The following LHFPL3 variants were observed in gnomAD, a reference collection of about 807,000 sequenced individuals.
LHFPL3 encodes LHFPL tetraspan subfamily member 3 protein.
LHFPL3 carries 5 observed loss-of-function variants against 19.3 expected under a neutral mutation model. The ratio of observed to expected loss-of-function variants is 0.26; its 90% CI spans 0.14 to 0.54. The LOEUF is 0.54. Among genes scored for constraint, LHFPL3 ranks in the 20% least tolerant of loss-of-function variants. The pLI is 0.94. For synonymous variants in LHFPL3, 133 were observed against 126.2 expected, an observed-to-expected ratio of 1.05 and a Z score of -0.36; for missense variants, 249 against 307.4, an observed-to-expected ratio of 0.81 and a Z score of 1.42.
chr7:104,523,497 C>A (rs1794120771), intron 1 of LHFPL3, among the ~76,000 whole-genome samples: 1 of 152,194 alleles, frequency 6.6e-6, no homozygotes, highest in South Asian at 2.1e-4. Flanking sequence ...CTGCATGACT[C>A]ATTAACCAAA....
At chr7:104,425,010 T>C (rs940073465) in intron 1 of LHFPL3, among the ~76,000 whole-genome samples, 1 of 108,382 alleles carries the variant, frequency 9.2e-6, no homozygotes, top group Non-Finnish European at 1.8e-5. Context: ...AAAAAAGAAG[T>C]ATCTGACTCA....
chr7:104,581,450 A>T lies in LHFPL3; in HGVS notation c.446-155225A>T, dbSNP rs956607065. ...TGAAAATATTTTCTCCTATTATATG[A>T]CTGGCCTCTTTATTATCTTAATAGT... On this transcript the variant is annotated intron_variant, in intron 1 of 2. Coordinates refer to ENST00000424859, the MANE Select transcript of LHFPL3 (RefSeq NM_199000.3). 3.3e-5 allele frequency among the ~76,000 whole-genome samples: 5 copies of T among 151,936 alleles called. No homozygotes were observed. In the South Asian group the frequency reaches 1.0e-3, roughly 32 times the overall value.
At chr7:104,573,060 G>T (rs554202587) in intron 1 of LHFPL3, among the ~76,000 whole-genome samples, 1 of 152,172 alleles carries the variant, frequency 6.6e-6, no homozygotes, top group East Asian at 1.9e-4. Flanking sequence ...TTCATTAAAG[G>T]TACTATAGGA....
chr7:104,868,073 GTA>G (rs1791763843), intron 2 of LHFPL3, among the ~76,000 whole-genome samples: 1 of 151,606 alleles, frequency 6.6e-6, no homozygotes, highest in Non-Finnish European at 1.5e-5. Context: ...TTGATGGGAT[GTA>G]TCTCAAAATA....
intron 1 of LHFPL3, among the ~76,000 whole-genome samples, chr7:104,729,902 C>T (rs562604413): frequency 6.6e-6 from 1 of 152,004 alleles, no homozygotes; most frequent in African/African-American, 2.4e-5. Context: ...CCACTCCCCC[C>T]ACCCCACAAC....
At chr7:104,425,084 G>C (rs1002172162) in intron 1 of LHFPL3, among the ~76,000 whole-genome samples, 3 of 151,736 alleles carry the variant, frequency 2.0e-5, no homozygotes, top group African/African-American at 7.3e-5. Flanking sequence ...TGGGAAAGGG[G>C]ACAAAGACAT....
At position 104,399,829 on chromosome 7, in the gene LHFPL3, A is replaced by G. The variant is rs901973735; in HGVS notation, c.445+70605A>G. Among the ~76,000 whole-genome samples, 6 of 151,396 alleles carry G rather than the reference A, an allele frequency of 4.0e-5. No homozygotes were observed. Among genetic ancestry groups the G allele is most frequent in the African/African-American group, 1.5e-4 (6 of 41,224 alleles). On this transcript the variant is annotated intron_variant, in intron 1 of 2. Coordinates refer to ENST00000424859, the MANE Select transcript of LHFPL3 (RefSeq NM_199000.3). This position sits in a 1 kb window ranked among gnomAD's most constrained non-coding sequence, Gnocchi z 4.4. ...ACCATGGAAGTGGCCCCAAAGAGTC[A>G]TGTTGAGAGGGTTGGCTAAAGACTC...
intron 1 of LHFPL3, among the ~76,000 whole-genome samples, chr7:104,590,643 G>A (rs907051323): frequency 1.4e-4 from 22 of 152,324 alleles, no homozygotes; most frequent in Non-Finnish European, 3.2e-4. Flanking sequence ...TTGGTGCAGA[G>A]CTGAGTTCAG....
intron 1 of LHFPL3, among the ~76,000 whole-genome samples, chr7:104,694,916 A>T (rs139183190): frequency 6.6e-6 from 1 of 152,250 alleles, no homozygotes; most frequent in Non-Finnish European, 1.5e-5. Flanking sequence ...TCAAGGTTGC[A>T]GTGAGCTAAC....
chr7:104,636,003 T>G (rs1791722659), intron 1 of LHFPL3, among the ~76,000 whole-genome samples: 1 of 152,150 alleles, frequency 6.6e-6, no homozygotes. Flanking sequence ...AGAAAACCTC[T>G]GAGTAAATAA....
chr7:104,491,403 G>A (rs760955662), intron 1 of LHFPL3, among the ~76,000 whole-genome samples: 6 of 151,790 alleles, frequency 4.0e-5, no homozygotes, highest in Non-Finnish European at 5.9e-5. Context: ...TCCTTTCTAG[G>A]TGTCTTTGTT....
Position 104,328,841 on chromosome 7 carries a change from C to T in LHFPL3, c.62C>T (p.Ala21Val), listed in dbSNP as rs776376119. Residue 21 changes from alanine to valine, a missense_variant, in exon 1 of 3, where the codon GCT (alanine) becomes GTT (valine). Transcript: ENST00000424859. The surrounding 1 kb of genome is among the most constrained non-coding windows in gnomAD (Gnocchi z 4.6). ...GCCGCGATGCTCCCGGCTCAGGAGG[C>T]TGCCAAGCTGTACCACACCAACTAT... ...AAAAMLPAQE[A>V]AKLYHTNYVR... 15 of 1,613,866 alleles carry T rather than the reference C, an allele frequency of 9.3e-6. No homozygotes were observed. The African/African-American group carries it at 1.1e-4, about 11-fold the overall frequency.
At chr7:104,590,263 T>A (rs1475133442) in intron 1 of LHFPL3, among the ~76,000 whole-genome samples, 3 of 152,188 alleles carry the variant, frequency 2.0e-5, no homozygotes, top group Non-Finnish European at 4.4e-5. Flanking sequence ...GCTATACGTT[T>A]CCCTCTGCAC....
chr7:104,588,071 G>A (rs987094437), intron 1 of LHFPL3, among the ~76,000 whole-genome samples: 3 of 152,162 alleles, frequency 2.0e-5, no homozygotes, highest in African/African-American at 7.2e-5. Context: ...TAGGTTGCCT[G>A]TTCACTCTGA....
At chr7:104,481,968 C>G (rs143204494) in intron 1 of LHFPL3, among the ~76,000 whole-genome samples, 6 of 152,316 alleles carry the variant, frequency 3.9e-5, no homozygotes, top group African/African-American at 1.4e-4. Flanking sequence ...CCTTCCACTC[C>G]GTGAGTGTTG....
At chr7:104,867,656 G>C (rs1021328964) in intron 2 of LHFPL3, among the ~76,000 whole-genome samples, 1 of 152,150 alleles carries the variant, frequency 6.6e-6, no homozygotes, top group Non-Finnish European at 1.5e-5. Flanking sequence ...GGTACAAGGA[G>C]GAGCTGGTAC....
rs528326782 is a variant in LHFPL3, at chr7:104,555,171, C to G, written c.446-181504C>G. ...CCCAGCTATCTAGGTATCCATTAAG[C>G]CAGTTAAGTTCACACTTAAAATTAA... On this transcript the variant is annotated intron_variant, in intron 1 of 2. Transcript: ENST00000424859. Among the ~76,000 whole-genome samples the G allele has an allele frequency of 3.3e-5, 5 of 152,258 alleles. No homozygotes were observed. The South Asian group carries it at 1.0e-3, about 32-fold the overall frequency.
At chr7:104,823,374 G>A (rs763484975) in intron 2 of LHFPL3, among the ~76,000 whole-genome samples, 2 of 152,122 alleles carry the variant, frequency 1.3e-5, no homozygotes, top group African/African-American at 2.4e-5. Flanking sequence ...TAAAATGAGA[G>A]GGCTGGACCA....
intron 1 of LHFPL3, among the ~76,000 whole-genome samples, chr7:104,363,789 A>T (rs145108613): frequency 6.6e-6 from 1 of 152,334 alleles, no homozygotes; most frequent in African/African-American, 2.4e-5. Flanking sequence ...CCAGAGTGAC[A>T]TGATTTTTCT....
Sources: allele counts gnomAD v4.1 joint callset (sites outside exome capture counted in the v4.1 genomes callset), GRCh38; gene constraint gnomAD v4.1.1; non-coding constraint Gnocchi (gnomAD v3.1); transcripts MANE v1.5; gene names NCBI Gene and HGNC (gene_info 2026-07-23, HGNC 2026-07-21).